Variants in IGF2BP3 observed in about 807,000 individuals in gnomAD.
The protein encoded by IGF2BP3 is insulin-like growth factor 2 mRNA-binding protein 3.
In IGF2BP3, 9 loss-of-function variants were observed where a neutral mutation model predicts 73.8. The ratio of observed to expected loss-of-function variants is 0.12; its 90% confidence interval spans 0.07 to 0.21. IGF2BP3 has a LOEUF of 0.21. IGF2BP3 is among the 10% of genes least tolerant of loss of function. IGF2BP3 has a pLI of 1.00. For synonymous variants in IGF2BP3, 258 were observed against 256.7 expected, an observed-to-expected ratio of 1.01 and a Z score of -0.05; for missense variants, 542 against 714.0, an observed-to-expected ratio of 0.76 and a Z score of 2.75.
At chr7:23,389,554 T>A (rs1353895179) in intron 3 of IGF2BP3, among the ~76,000 whole-genome samples, 27 of 151,862 alleles carry the variant, frequency 1.8e-4, no homozygotes, top group Admixed American at 1.3e-3. Context: ...TTTTTTTTTT[T>A]AAATTACAAG....
intron 6 of IGF2BP3, 118 bp from the exon 7 acceptor site, chr7:23,347,852 C>T: frequency 1.8e-6 from 2 of 1,134,482 alleles, no homozygotes; most frequent in Non-Finnish European, 2.5e-6. Flanking sequence ...TGACTCACTT[C>T]CCTCAAGAGC....
intron 2 of IGF2BP3, among the ~76,000 whole-genome samples, chr7:23,426,095 G>C (rs1381955567): frequency 1.3e-5 from 2 of 152,100 alleles, no homozygotes; most frequent in Non-Finnish European, 2.9e-5. Flanking sequence ...CAGAGGCCAA[G>C]GCAGGCAGAT....
chr7:23,405,496 G>A (rs1584000909), intron 3 of IGF2BP3, among the ~76,000 whole-genome samples: 1 of 152,198 alleles, frequency 6.6e-6, no homozygotes, highest in Non-Finnish European at 1.5e-5. Flanking sequence ...CAGATCTTAG[G>A]AGAAGCCTTG....
intron 5 of IGF2BP3, among the ~76,000 whole-genome samples, chr7:23,354,125 C>G (rs1785033324): frequency 6.6e-6 from 1 of 152,190 alleles, no homozygotes; most frequent in African/African-American, 2.4e-5. Flanking sequence ...TCCTGAGTAG[C>G]TGGGATTACA....
chr7:23,429,743 C>G (rs1472962524), intron 2 of IGF2BP3, among the ~76,000 whole-genome samples: 2 of 152,158 alleles, frequency 1.3e-5, no homozygotes, highest in African/African-American at 4.8e-5. Flanking sequence ...GAGGAAAACA[C>G]AACTACTCAG....
chr7:23,455,075 G>T (rs1788283759), intron 2 of IGF2BP3, among the ~76,000 whole-genome samples: 1 of 152,184 alleles, frequency 6.6e-6, no homozygotes, highest in African/African-American at 2.4e-5. Context: ...AGTTCAGTGG[G>T]ATCTCTGGTG....
intron 10 of IGF2BP3, among the ~76,000 whole-genome samples, chr7:23,338,179 G>T (rs919034322): frequency 3.9e-5 from 6 of 152,248 alleles, no homozygotes; most frequent in Admixed American, 3.3e-4. Context: ...GTGGTCCAGA[G>T]AGAAAGAGGT....
At position 23,461,992 on chromosome 7, in the gene IGF2BP3, A is replaced by G. The variant is rs114253443; in HGVS notation, c.236+6490T>C. 3.3e-3 allele frequency among the ~76,000 whole-genome samples: 510 copies of G among 152,322 alleles called. 1 individual carries two copies. The highest frequency in any genetic ancestry group is 0.012 in the African/African-American group (498 of 41,568). On this transcript the variant is annotated intron_variant, in intron 2 of 14. Transcript: ENST00000258729. ...TTCCATTTTCACTTAGGGTAAGATC[A>G]GTCAACTCTGCCAGGAAAAAAAAAC...
intron 2 of IGF2BP3, among the ~76,000 whole-genome samples, chr7:23,425,547 A>T (rs1320845126): frequency 6.6e-6 from 1 of 152,014 alleles, no homozygotes; most frequent in African/African-American, 2.4e-5. Context: ...TGCCCAGCTA[A>T]ATTTTTTGTA....
chr7:23,422,810 T>C lies in IGF2BP3; in HGVS notation c.237-3986A>G, dbSNP rs374353142. On this transcript the variant is annotated intron_variant, in intron 2 of 14. Transcript: ENST00000258729. ...TTTTTATGCAGTGTTGTGCTTTGTTTTTCAGATGGGAGTCTCGCTCTCTCA... is the reference window on the plus strand; with the variant it reads ...TTTTTATGCAGTGTTGTGCTTTGTTCTTCAGATGGGAGTCTCGCTCTCTCA... Among the ~76,000 whole-genome samples, 17 of 152,322 alleles carry C rather than the reference T, an allele frequency of 1.1e-4. 1 individual carries two copies. The highest frequency in any genetic ancestry group is 9.2e-4 in the Admixed American group (14 of 15,300).
intron 3 of IGF2BP3, among the ~76,000 whole-genome samples, chr7:23,377,351 A>G (rs1785760127): frequency 6.6e-6 from 1 of 152,212 alleles, no homozygotes; most frequent in African/African-American, 2.4e-5. Flanking sequence ...AGATATACAG[A>G]TGACTAATAA....
chr7:23,331,235 A>G (rs953786987), intron 10 of IGF2BP3, among the ~76,000 whole-genome samples: 1 of 152,214 alleles, frequency 6.6e-6, no homozygotes, highest in Non-Finnish European at 1.5e-5. Flanking sequence ...CTGTCTGTCA[A>G]TTTTAAAAGT....
At chr7:23,341,998 C>T (rs561537000) in intron 10 of IGF2BP3, 66 bp downstream of exon 10, 16 of 1,452,134 alleles carry the variant, frequency 1.1e-5, no homozygotes, top group South Asian at 2.9e-5. Flanking sequence ...CAGATGATCA[C>T]GCGGGGACTA....
chr7:23,362,830 T>C (rs1014790135), intron 3 of IGF2BP3, among the ~76,000 whole-genome samples: 1 of 152,150 alleles, frequency 6.6e-6, no homozygotes, highest in Non-Finnish European at 1.5e-5. Flanking sequence ...CACAGCTCAC[T>C]GCAGCCTCAA....
intron 10 of IGF2BP3, among the ~76,000 whole-genome samples, chr7:23,320,871 G>A (rs1161848174): frequency 6.8e-6 from 1 of 146,360 alleles, no homozygotes; most frequent in Admixed American, 7.0e-5. Context: ...GATCACTTGA[G>A]CCCAGGTGGT....
At chr7:23,377,380 G>T (rs61146731) in intron 3 of IGF2BP3, among the ~76,000 whole-genome samples, 2,478 of 152,214 alleles carry the variant, frequency 0.016, 64 homozygotes, top group African/African-American at 0.057. Context: ...AACAATGCTC[G>T]ACATCATTAG....
intron 2 of IGF2BP3, among the ~76,000 whole-genome samples, chr7:23,468,228 G>T (rs1788614658): frequency 6.6e-6 from 1 of 152,216 alleles, no homozygotes; most frequent in Non-Finnish European, 1.5e-5. Context: ...AGGACATTCA[G>T]CTGTGAGCTT....
intron 10 of IGF2BP3, among the ~76,000 whole-genome samples, chr7:23,336,359 G>C (rs1160693371): frequency 6.6e-6 from 1 of 152,124 alleles, no homozygotes; most frequent in Non-Finnish European, 1.5e-5. Flanking sequence ...CTTCTCATCA[G>C]CAAGTATAGA....
At chr7:23,403,212 C>A (rs1320165061) in intron 3 of IGF2BP3, among the ~76,000 whole-genome samples, 3 of 152,144 alleles carry the variant, frequency 2.0e-5, no homozygotes, top group African/African-American at 4.8e-5. Flanking sequence ...CTAGAGAAAA[C>A]CACTAAACTG....
Sources: allele counts gnomAD v4.1 joint callset (sites outside exome capture counted in the v4.1 genomes callset), GRCh38; gene constraint gnomAD v4.1.1; transcripts MANE v1.5; gene names NCBI Gene and HGNC (gene_info 2026-07-23, HGNC 2026-07-21).